The following TBCE variants were observed in gnomAD, a reference collection of about 807,000 sequenced individuals.
TBCE encodes the protein tubulin folding cofactor E, also known as tubulin-specific chaperone E.
A neutral mutation model predicts 77.0 loss-of-function variants in TBCE; 53 were observed. The observed-to-expected ratio is 0.69, with a 90% CI of 0.55 to 0.87. The LOEUF (loss-of-function observed/expected upper bound fraction) is 0.87. Ranked by LOEUF, TBCE falls within the 40% of genes least tolerant of loss-of-function variation. The pLI, the probability that TBCE is intolerant of heterozygous loss-of-function variation, is 0.00. For missense variants in TBCE, 624 were observed against 622.4 expected (o/e 1.00, Z -0.03); for synonymous variants, 235 against 241.3 (o/e 0.97, Z 0.24).
At chr1:235,443,056 A>G in intron 15 of TBCE, 145 bp downstream of exon 15, 2 of 805,748 alleles carry the variant, frequency 2.5e-6, no homozygotes, top group East Asian at 2.7e-5. Flanking sequence ...ATTCTAAAAT[A>G]CAATCAATCA....
At chr1:235,397,835 G>A (rs1363194952) in intron 2 of TBCE, among the ~76,000 whole-genome samples, 3 of 152,178 alleles carry the variant, frequency 2.0e-5, no homozygotes, top group Non-Finnish European at 4.4e-5. Flanking sequence ...CCTGGGATCT[G>A]ACTGGTGAGG....
At chr1:235,436,210 A>G (rs1264469270) in intron 9 of TBCE, 176 bp from the exon 10 acceptor site, 3 of 652,052 alleles carry the variant, frequency 4.6e-6, no homozygotes, top group South Asian at 1.8e-5. Context: ...AGTCATTAGA[A>G]TACAGGATAA....
At chr1:235,387,146 G>A (rs1405737462) in intron 2 of TBCE, among the ~76,000 whole-genome samples, 2 of 152,202 alleles carry the variant, frequency 1.3e-5, no homozygotes, top group Non-Finnish European at 2.9e-5. Flanking sequence ...CTGTCTGATC[G>A]TTCCTCTGGA....
In TBCE at chr1:235,371,766, G is replaced by A. The variant is rs1284786699; in HGVS notation, c.-32+4262G>A. 2.0e-5 allele frequency among the ~76,000 whole-genome samples: 3 copies of A among 151,994 alleles called. No individual in the cohort carries two copies. In the South Asian group the frequency reaches 6.2e-4, roughly 32 times the overall value. ...CGGCTCACTACAACCTCCACTTCCC[G>A]GATTCAAGTGATTCTCCTGCCTCAG... On this transcript the variant is annotated intron_variant, in intron 1 of 16. Coordinates refer to ENST00000642610, the MANE Select transcript of TBCE (RefSeq NM_003193.5).
intron 2 of TBCE, among the ~76,000 whole-genome samples, chr1:235,396,376 T>G (rs1171033186): frequency 6.6e-6 from 1 of 152,178 alleles, no homozygotes; most frequent in Admixed American, 6.6e-5. Context: ...TTTATTTTCT[T>G]TATCCATTCA....
At chr1:235,446,595 C>T (rs1682329540) in intron 15 of TBCE, among the ~76,000 whole-genome samples, 1 of 152,006 alleles carries the variant, frequency 6.6e-6, no homozygotes, top group East Asian at 1.9e-4. Flanking sequence ...TCCATATTTT[C>T]TGAATGTTAA....
chr1:235,424,317 G>A (rs1680573552), intron 5 of TBCE, among the ~76,000 whole-genome samples: 1 of 149,286 alleles, frequency 6.7e-6, no homozygotes, highest in South Asian at 2.1e-4. Context: ...CTGGATCTTA[G>A]AGCTCTTTTT....
At chr1:235,436,293 G>C in intron 9 of TBCE, 93 bp from the exon 10 acceptor site, 1 of 1,198,132 alleles carries the variant, frequency 8.3e-7, no homozygotes, top group Non-Finnish European at 1.2e-6. Flanking sequence ...AAAACCCAGG[G>C]TGTAGGAAAA....
chr1:235,436,050 T>G, intron 9 of TBCE: 3 of 610,960 alleles, frequency 4.9e-6, no homozygotes, highest in South Asian at 4.0e-5. Context: ...CTGTACCAGA[T>G]AATTTGAAGA....
rs146354989 is a variant in TBCE at position 235,419,131 on chromosome 1, T to C, written c.372-342T>C. 1.6e-3 allele frequency: 555 copies of C among 351,168 alleles called. 1 individual carries two copies. Among genetic ancestry groups the C allele is most frequent in the African/African-American group, 0.01 (488 of 47,578 alleles). The allele number at this position is 351,168 out of a possible 1,614,324, so 21.8% of individuals were successfully genotyped here. A position where few individuals can be genotyped will look rare whatever the true frequency, so the allele number is the denominator to read the frequency against. The stretch of plus-strand genomic sequence containing the variant: ...CTGAGGCAGGAGAATCACCTGAACC[T>C]GGGAGGGAGAGGTTGCAGTGAGTCT... On this transcript the variant is annotated intron_variant, in intron 4 of 16. Coordinates refer to ENST00000642610, the MANE Select transcript of TBCE (RefSeq NM_003193.5).
intron 8 of TBCE, among the ~76,000 whole-genome samples, 167 bp downstream of exon 8, chr1:235,434,447 T>A (rs746714313): frequency 7.2e-5 from 11 of 152,222 alleles, no homozygotes; most frequent in Admixed American, 1.3e-4. Context: ...CACTAATTGG[T>A]TCTAATCAAA....
rs1466464867 is a variant in TBCE, at chr1:235,414,577, T to C, written c.330T>C (p.Pro110=). Residue 110 remains proline, a synonymous_variant, in exon 4 of 17, where the codon CCT becomes CCC. Coordinates refer to ENST00000642610, the MANE Select transcript of TBCE (RefSeq NM_003193.5). ...KEQIVTIGNK[P]VETIGFDSIM... is the part of the protein sequence containing the mutation. ...AAATTGTTACAATTGGAAATAAACC[T>C]GTGGAGACTATCGGTTTTGACTCTA... 1 of 1,613,874 alleles carries C rather than the reference T, an allele frequency of 6.2e-7. No homozygotes were observed. The highest frequency in any genetic ancestry group is 8.5e-7 in the Non-Finnish European group (1 of 1,179,996).
chr1:235,407,890 T>G (rs1269654135), intron 3 of TBCE, among the ~76,000 whole-genome samples: 1 of 151,506 alleles, frequency 6.6e-6, no homozygotes, highest in Non-Finnish European at 1.5e-5. Flanking sequence ...TTTTTTTTTC[T>G]TTCAACCTAA....
chr1:235,421,803 A>T (rs1680414407), intron 5 of TBCE, among the ~76,000 whole-genome samples: 1 of 152,254 alleles, frequency 6.6e-6, no homozygotes, highest in East Asian at 1.9e-4. Context: ...TGATCTGTAC[A>T]TAATAACTTT....
chr1:235,392,010 A>C (rs990429791), intron 2 of TBCE, among the ~76,000 whole-genome samples: 2 of 152,040 alleles, frequency 1.3e-5, no homozygotes, highest in Non-Finnish European at 2.9e-5. Context: ...GTTTTCTTAC[A>C]AAACTGTACA....
chr1:235,405,635 CA>C (rs768409443), intron 3 of TBCE, among the ~76,000 whole-genome samples: 6 of 136,756 alleles, frequency 4.4e-5, no homozygotes, highest in Admixed American at 7.4e-5. Context: ...AACTGTGTCT[CA>C]AAAAAAAAAG....
intron 7 of TBCE, among the ~76,000 whole-genome samples, chr1:235,431,521 C>T (rs57810820): frequency 0.023 from 3,435 of 151,736 alleles, 137 homozygotes; most frequent in African/African-American, 0.078. Flanking sequence ...GCCATCACAC[C>T]CAGCTAATTT....
intron 5 of TBCE, among the ~76,000 whole-genome samples, chr1:235,421,741 A>C (rs986722769): frequency 1.3e-5 from 2 of 152,142 alleles, no homozygotes; most frequent in African/African-American, 4.8e-5. Flanking sequence ...ATGGAAACCA[A>C]ATAGACTTTC....
rs373639239 is a variant in TBCE at position 235,417,555 on chromosome 1, C to T, written c.372-1918C>T. Among the ~76,000 whole-genome samples, 3 of 152,274 alleles carry T rather than the reference C, an allele frequency of 2.0e-5. No individual in the cohort carries two copies. The East Asian group carries it at 5.8e-4, about 29-fold the overall frequency. On this transcript the variant is annotated intron_variant, in intron 4 of 16. Coordinates refer to ENST00000642610, the MANE Select transcript of TBCE (RefSeq NM_003193.5). ...AGGGTTTGGGAAGTTGGGCAGTGCCCAGCAGACACTGAGTTGACAGGACAT... is the reference window on the plus strand; with the variant it reads ...AGGGTTTGGGAAGTTGGGCAGTGCCTAGCAGACACTGAGTTGACAGGACAT...
Sources: gnomAD v4.1 joint callset for allele counts (sites outside exome capture counted in the v4.1 genomes callset) on GRCh38, gnomAD v4.1.1 for gene constraint, MANE v1.5 for transcripts, NCBI Gene and HGNC (gene_info 2026-07-23, HGNC 2026-07-21) for gene names.